The following DCAF17 variants were observed in gnomAD, a reference collection of about 807,000 sequenced individuals.
DCAF17 encodes DDB1 and CUL4 associated factor 17.
DCAF17 carries 48 observed loss-of-function variants against 66.0 expected under a neutral mutation model. The ratio of observed to expected loss-of-function variants is 0.73; its 90% confidence interval spans 0.58 to 0.92. DCAF17 has a LOEUF of 0.92. DCAF17 is among the 40% of genes least tolerant of loss of function. The probability of loss-of-function intolerance (pLI) is 0.00; values close to 1 mark genes in which losing one functional copy is unlikely to be tolerated. For missense variants in DCAF17, 562 were observed against 622.8 expected (o/e 0.90, Z 1.04); for synonymous variants, 206 against 214.6 (o/e 0.96, Z 0.35).
intron 3 of DCAF17, among the ~76,000 whole-genome samples, chr2:171,446,495 G>A (rs1340344824): frequency 6.6e-6 from 1 of 151,864 alleles, no homozygotes; most frequent in African/African-American, 2.4e-5. Context: ...GCAGTGAGCA[G>A]AGATCATGCC....
At chr2:171,453,264 T>A in intron 6 of DCAF17, 51 bp downstream of exon 6, 1 of 1,296,426 alleles carries the variant, frequency 7.7e-7, no homozygotes, top group Non-Finnish European at 1.1e-6. Flanking sequence ...CAATAAGTTG[T>A]AATGTCATTA....
chr2:171,476,542 T>C (rs1696503972), intron 10 of DCAF17, among the ~76,000 whole-genome samples: 2 of 152,244 alleles, frequency 1.3e-5, no homozygotes, highest in Non-Finnish European at 2.9e-5. Context: ...TGTTACAGCA[T>C]AGCAGAGGTA....
At chr2:171,480,554 G>C (rs1193848558) in intron 13 of DCAF17, among the ~76,000 whole-genome samples, 3 of 152,128 alleles carry the variant, frequency 2.0e-5, no homozygotes, top group African/African-American at 7.2e-5. Flanking sequence ...TAAGCATGCG[G>C]GATTCCCAGG....
In DCAF17 at chr2:171,480,985, T is replaced by G; in HGVS notation, c.1434T>G (p.His478Gln). 6.2e-7 allele frequency: 1 copy of G among 1,613,748 alleles called. No individual in the cohort carries two copies. Among genetic ancestry groups the G allele is most frequent in the Non-Finnish European group, 8.5e-7 (1 of 1,179,678 alleles). The change falls in exon 14 of 14, where the codon CAT (histidine) becomes CAG (glutamine). Residue 478 changes from histidine (H) to glutamine (Q), a missense_variant. His to Gln is a conservative substitution (Grantham distance 24). Coordinates refer to ENST00000375255, the MANE Select transcript of DCAF17 (RefSeq NM_025000.4). ...GTGTTTTGTTACAGACATATAGCCA[T>G]GAAGTCTACTTTGACAGAGACTTGG... Reference protein sequence around the residue: ...LVESWDVTYSHEVYFDRDLVL... With the variant: ...LVESWDVTYSQEVYFDRDLVL...
intron 6 of DCAF17, among the ~76,000 whole-genome samples, chr2:171,456,928 G>A (rs376977508): frequency 6.6e-6 from 1 of 152,174 alleles, no homozygotes; most frequent in East Asian, 1.9e-4. Context: ...TTTGAAAAGA[G>A]GGATAGTTTG....
chr2:171,480,801 T>C (rs1256317844), intron 13 of DCAF17, among the ~76,000 whole-genome samples, 173 bp from the exon 14 acceptor site: 1 of 152,184 alleles, frequency 6.6e-6, no homozygotes, highest in East Asian at 1.9e-4. Flanking sequence ...GAATGCCTTT[T>C]TTGTTAATAA....
rs1395244983 is a variant in DCAF17 at position 171,482,818 on chromosome 2, G to A, written c.*1704G>A. 1 of 453,986 alleles carries A rather than the reference G, an allele frequency of 2.2e-6. No individual in the cohort carries two copies. The highest frequency in any genetic ancestry group is 2.0e-5 in the African/African-American group (1 of 50,090). The allele number at this position is 453,986 out of a possible 1,614,324, so 28.1% of individuals were successfully genotyped here. ...TGCTTTTTTGCTGGGGGTAGATGGT[G>A]GAATACTTCTGGTCTAGATATAACT... On this transcript the variant is annotated 3_prime_UTR_variant, in exon 14 of 14. Transcript: ENST00000375255.
chr2:171,461,349 C>T (rs1320219082), intron 8 of DCAF17, among the ~76,000 whole-genome samples: 1 of 152,090 alleles, frequency 6.6e-6, no homozygotes, highest in Non-Finnish European at 1.5e-5. Flanking sequence ...ATTGCTTGAA[C>T]CCAGGAGGCA....
intron 3 of DCAF17, among the ~76,000 whole-genome samples, chr2:171,445,351 T>A (rs757751652): frequency 6.6e-6 from 1 of 152,046 alleles, no homozygotes; most frequent in Non-Finnish European, 1.5e-5. Flanking sequence ...TCTCGAACTC[T>A]TGACCTCAAG....
In DCAF17 at chr2:171,478,066, A is replaced by C. The variant is rs1447698704; in HGVS notation, c.1262A>C (p.Gln421Pro). The C allele has an allele frequency of 6.2e-7, 1 of 1,613,360 alleles. No individual in the cohort carries two copies. Among genetic ancestry groups the C allele is most frequent in the South Asian group, 1.1e-5 (1 of 91,070 alleles). ...SFNLLDDDPE[Q>P]ETFKIVDYED... is the part of the protein sequence containing the mutation. Reference sequence around the variant, plus strand: ...AACCTTCTGGATGATGACCCAGAACAAGAGGTATTGCTTTGGCCAGAGATG... The same window carrying C: ...AACCTTCTGGATGATGACCCAGAACCAGAGGTATTGCTTTGGCCAGAGATG... Residue 421 changes from glutamine (Q) to proline (P), a missense_variant, in exon 12 of 14, where the codon CAA (glutamine) becomes CCA (proline). Gln to Pro is a moderately conservative substitution (Grantham distance 76). This residue lies in a region of DCAF17 where 201 missense variants were observed against 231.1 expected (regional missense o/e 0.87). Coordinates refer to ENST00000375255, the MANE Select transcript of DCAF17 (RefSeq NM_025000.4).
At chr2:171,471,095 A>G (rs1406086198) in intron 9 of DCAF17, among the ~76,000 whole-genome samples, 7 of 152,194 alleles carry the variant, frequency 4.6e-5, no homozygotes, top group Non-Finnish European at 8.8e-5. Flanking sequence ...TGCTTGTCAC[A>G]TACTCTCCTT....
rs1416071015 is a variant in DCAF17 at position 171,483,192 on chromosome 2, A to G, written c.*2078A>G. The G allele has an allele frequency of 4.4e-6, 2 of 454,142 alleles. No individual in the cohort carries two copies. Among genetic ancestry groups the G allele is most frequent in the Middle Eastern group, 6.9e-4 (1 of 1,444 alleles). 28.1% of individuals were successfully genotyped at this position (454,142 alleles called of 1,614,324 possible). Reference sequence around the variant, plus strand: ...TTCCCAGCTCGCCAGAGTGTCACACAGCTGCTCATTCTGCCACCTGCCAGA... The same window carrying G: ...TTCCCAGCTCGCCAGAGTGTCACACGGCTGCTCATTCTGCCACCTGCCAGA... On this transcript the variant is annotated 3_prime_UTR_variant, in exon 14 of 14. Transcript: ENST00000375255.
intron 8 of DCAF17, among the ~76,000 whole-genome samples, chr2:171,467,068 T>C (rs968178292): frequency 2.6e-5 from 4 of 152,224 alleles, no homozygotes; most frequent in Non-Finnish European, 4.4e-5. Context: ...ATATTTGATA[T>C]GTTTATGCCT....
chr2:171,434,271 G>A lies in DCAF17; in HGVS notation c.-307G>A, dbSNP rs1693579468. On this transcript the variant is annotated 5_prime_UTR_variant, in exon 1 of 14. It adds an upstream start codon to the 5' untranslated region. Transcript: ENST00000375255. Reference sequence around the variant, plus strand: ...GAGGCACTAGGAACTACATTTCCCGGTGAGAGAGCGGCTCCGGCCGGCCGC... The same window carrying A: ...GAGGCACTAGGAACTACATTTCCCGATGAGAGAGCGGCTCCGGCCGGCCGC... 1.9e-6 allele frequency: 1 copy of A among 539,426 alleles called. No individual in the cohort carries two copies. The highest frequency in any genetic ancestry group is 1.9e-5 in the African/African-American group (1 of 52,712). The allele number at this position is 539,426 out of a possible 1,614,324, so 33.4% of individuals were successfully genotyped here.
chr2:171,439,819 T>G (rs754897640), intron 2 of DCAF17, among the ~76,000 whole-genome samples: 3 of 151,908 alleles, frequency 2.0e-5, no homozygotes, highest in Non-Finnish European at 4.4e-5. Flanking sequence ...TCCCAGCTAC[T>G]CCAGAGGCCA....
Position 171,448,666 on chromosome 2 carries a change from T to C in DCAF17, c.322-15T>C. 4 of 1,476,102 alleles carry C rather than the reference T, an allele frequency of 2.7e-6. No individual in the cohort carries two copies. The highest frequency in any genetic ancestry group is 3.6e-6 in the Non-Finnish European group (4 of 1,114,090). The allele number at this position is 1,476,102 out of a possible 1,614,324, so 91.4% of individuals were successfully genotyped here. A position where few individuals can be genotyped will look rare whatever the true frequency, so the allele number is the denominator to read the frequency against. On this transcript the variant is annotated splice_polypyrimidine_tract_variant and intron_variant, in intron 3 of 13. Transcript: ENST00000375255. ...CCAAGCAGTTTCATTTTTATATCTCTCTTTTTTTTTTTAGGGAGATATACT... is the reference window on the plus strand; with the variant it reads ...CCAAGCAGTTTCATTTTTATATCTCCCTTTTTTTTTTTAGGGAGATATACT...
At position 171,482,663 on chromosome 2, in the gene DCAF17, C is replaced by G. The variant is rs1318158844; in HGVS notation, c.*1549C>G. The stretch of plus-strand genomic sequence containing the variant: ...GGATGTCTTAAGACTTCAGTCATGT[C>G]AGAGATTTTTTTTTTTAGGTGATTA... On this transcript the variant is annotated 3_prime_UTR_variant, in exon 14 of 14. Coordinates refer to ENST00000375255, the MANE Select transcript of DCAF17 (RefSeq NM_025000.4). 1 of 453,694 alleles carries G rather than the reference C, an allele frequency of 2.2e-6. No individual in the cohort carries two copies. Among genetic ancestry groups the G allele is most frequent in the East Asian group, 6.9e-5 (1 of 14,390 alleles). 28.1% of individuals were successfully genotyped at this position (453,694 alleles called of 1,614,324 possible).
intron 12 of DCAF17, 137 bp downstream of exon 12, chr2:171,478,207 A>G (rs1455531692): frequency 2.7e-6 from 2 of 738,206 alleles, no homozygotes; most frequent in Admixed American, 2.0e-5. Context: ...GGGGTTGCGC[A>G]TGCTATTTCA....
At chr2:171,464,435 T>G (rs1695771871) in intron 8 of DCAF17, among the ~76,000 whole-genome samples, 1 of 152,214 alleles carries the variant, frequency 6.6e-6, no homozygotes, top group African/African-American at 2.4e-5. Context: ...AAATTCTGCC[T>G]CTCACTTTTC....
Sources: gnomAD v4.1 joint callset for allele counts (sites outside exome capture counted in the v4.1 genomes callset) on GRCh38, gnomAD v4.1.1 for gene constraint, gnomAD v4.1.1 regional missense constraint, MANE v1.5 for transcripts, NCBI Gene and HGNC (gene_info 2026-07-23, HGNC 2026-07-21) for gene names.